MYCBP2: variants seen among roughly 807,000 people sequenced by gnomAD.
MYCBP2 encodes MYC binding protein 2.
MYCBP2 carries 120 observed loss-of-function variants against 525.3 expected under a neutral mutation model. The observed-to-expected ratio is 0.23, with a 90% CI of 0.20 to 0.27. The LOEUF (loss-of-function observed/expected upper bound fraction) is 0.27. Ranked by LOEUF, MYCBP2 falls within the 10% of genes least tolerant of loss-of-function variation. The probability of loss-of-function intolerance (pLI) is 1.00; values close to 1 mark genes in which losing one functional copy is unlikely to be tolerated. For synonymous variants in MYCBP2, 1,894 were observed against 1,955.8 expected (o/e 0.97, Z 0.83); for missense variants, 4,149 against 5,657.1 (o/e 0.73, Z 8.55).
intron 67 of MYCBP2, 84 bp downstream of exon 67, chr13:77,077,064 T>C: frequency 2.6e-6 from 4 of 1,517,860 alleles, no homozygotes; most frequent in South Asian, 1.3e-5. Flanking sequence ...ATTTCTGTAA[T>C]AAGTTTCACA....
chr13:77,220,639 T>C (rs1051730752), intron 20 of MYCBP2, among the ~76,000 whole-genome samples: 1 of 152,210 alleles, frequency 6.6e-6, no homozygotes, highest in Admixed American at 6.5e-5. Context: ...ACTGTAACCC[T>C]TTATTTCAAC....
rs113546442 is a variant in MYCBP2, at chr13:77,091,899, A to C, written c.10367+1266T>G. Among the ~76,000 whole-genome samples, 311 of 152,176 alleles carry C rather than the reference A, an allele frequency of 2.0e-3. 2 individuals carry two copies. Among genetic ancestry groups the C allele is most frequent in the African/African-American group, 5.5e-3 (227 of 41,554 alleles). The stretch of plus-strand genomic sequence containing the variant: ...ACCCAATGAGAATCACACTTGTCAG[A>C]CTAGCCTCAAAACAGTTTCTAACTC... On this transcript the variant is annotated intron_variant, in intron 59 of 82. Coordinates refer to ENST00000544440, the MANE Select transcript of MYCBP2 (RefSeq NM_015057.5).
intron 55 of MYCBP2, chr13:77,110,093 C>A (rs1179277673): frequency 2.6e-5 from 4 of 152,194 alleles, no homozygotes; most frequent in Non-Finnish European, 4.4e-5. Flanking sequence ...CAAGGGAAGA[C>A]AACCATAAGG....
intron 21 of MYCBP2, among the ~76,000 whole-genome samples, chr13:77,212,965 C>T (rs1376417119): frequency 3.3e-5 from 5 of 152,156 alleles, no homozygotes; most frequent in Non-Finnish European, 7.4e-5. Flanking sequence ...ACTGCGAACA[C>T]TCTGGTCACG....
intron 55 of MYCBP2, among the ~76,000 whole-genome samples, chr13:77,110,770 C>T (rs756762307): frequency 9.9e-5 from 15 of 152,054 alleles, no homozygotes; most frequent in African/African-American, 1.7e-4. Flanking sequence ...ATAGAAAGAA[C>T]CTACGTTGAA....
chr13:77,057,834 CT>C lies in MYCBP2; in HGVS notation c.13329+383del, dbSNP rs11419165. ...TATAAAAAAAGATTTCAATCAACTGCTTTTTTTTTTTTTTTTTTTTTTGAGA... is the reference window on the plus strand; with the variant it reads ...TATAAAAAAAGATTTCAATCAACTGCTTTTTTTTTTTTTTTTTTTTTGAGA... On this transcript the variant is annotated intron_variant, in intron 78 of 82. Transcript: ENST00000544440. 9.8e-3 allele frequency among the ~76,000 whole-genome samples: 1,185 copies of C among 121,070 alleles called. 4 individuals carry two copies. The highest frequency in any genetic ancestry group is 0.031 in the East Asian group (129 of 4,204). The allele number at this position is 121,070 out of a possible 152,430, so 79.4% of individuals were successfully genotyped here.
Position 77,088,931 on chromosome 13 carries a change from T to C in MYCBP2, c.10626A>G (p.Pro3542=), listed in dbSNP as rs1419349668. Residue 3542 remains proline (P), a synonymous_variant, in exon 61 of 83, where the codon CCA becomes CCG. Transcript: ENST00000544440. ...GATGTTGTATAACAAAAGCTAAAAC[T>C]GGCCACTGGAAATTTCGTTCTCCTT... ...LSKGERNFQW[P]VLAFVIQHHD... The C allele has an allele frequency of 1.2e-6, 2 of 1,613,504 alleles. No homozygotes were observed. The highest frequency in any genetic ancestry group is 1.7e-5 in the Admixed American group (1 of 59,946).
At chr13:77,289,823 T>C (rs1281135171) in intron 2 of MYCBP2, among the ~76,000 whole-genome samples, 2 of 152,134 alleles carry the variant, frequency 1.3e-5, no homozygotes, top group African/African-American at 4.8e-5. Flanking sequence ...AGAAATAGTA[T>C]GCAGATTTAA....
intron 30 of MYCBP2, among the ~76,000 whole-genome samples, chr13:77,186,958 C>G (rs528839001): frequency 6.6e-6 from 1 of 151,814 alleles, no homozygotes; most frequent in Non-Finnish European, 1.5e-5. Flanking sequence ...ACTACAAGTG[C>G]GCACCACCAT....
rs56408804 is a variant in MYCBP2, at chr13:77,266,746, G to GAAAAAAAAAAAAAAA, written c.1357+1080_1357+1094dup. 1.6e-3 allele frequency among the ~76,000 whole-genome samples: 141 copies of GAAAAAAAAAAAAAAA among 89,402 alleles called. 2 individuals are homozygous for GAAAAAAAAAAAAAAA. Among genetic ancestry groups the GAAAAAAAAAAAAAAA allele is most frequent in the African/African-American group, 5.9e-3 (133 of 22,482 alleles). 58.7% of individuals were successfully genotyped at this position (89,402 alleles called of 152,430 possible). A position where few individuals can be genotyped will look rare whatever the true frequency, so the allele number is the denominator to read the frequency against. On this transcript the variant is annotated intron_variant, in intron 8 of 82. Transcript: ENST00000544440. ...AAAGACATGGTCCAGGACTTGTAAT[G>GAAAAAAAAAAAAAAA]AAAAAAAAAAAAAAAAAAAAAACCC...
At chr13:77,155,639 A>C (rs752541443) in intron 46 of MYCBP2, among the ~76,000 whole-genome samples, 3 of 152,198 alleles carry the variant, frequency 2.0e-5, no homozygotes, top group Non-Finnish European at 4.4e-5. Flanking sequence ...TTTCTAACTT[A>C]ATGAGTGTTA....
At chr13:77,088,351 T>C (rs1273618548) in intron 61 of MYCBP2, among the ~76,000 whole-genome samples, 1 of 152,092 alleles carries the variant, frequency 6.6e-6, no homozygotes. Context: ...ATAATTCCCA[T>C]CCATGAAGTG....
rs374987058 is a variant in MYCBP2, at chr13:77,176,538, C to T, written c.5431G>A (p.Asp1811Asn). The T allele has an allele frequency of 6.3e-7, 1 of 1,598,188 alleles. No individual in the cohort carries two copies. The highest frequency in any genetic ancestry group is 1.3e-5 in the African/African-American group (1 of 74,722). Residue 1811 changes from aspartate to asparagine, a missense_variant, in exon 36 of 83, where the codon GAT becomes AAT. Around this residue, in one of 21 missense-constraint regions of MYCBP2, gnomAD observed 109 missense variants for 118.9 expected, o/e 0.92. Coordinates refer to ENST00000544440, the MANE Select transcript of MYCBP2 (RefSeq NM_015057.5). Reference protein sequence around the residue: ...GTYTTDDSPSDIAEIRLDKVV... With the variant: ...GTYTTDDSPSNIAEIRLDKVV... ...TTGTCAAGTCTGATCTCAGCTATAT[C>T]ACTGGGTGAGTCATCCGTTGTGTAC...
At position 77,236,101 on chromosome 13, in the gene MYCBP2, G is replaced by A. The variant is rs562893066; in HGVS notation, c.2630-2838C>T. Among the ~76,000 whole-genome samples, 3 of 152,274 alleles carry A rather than the reference G, an allele frequency of 2.0e-5. No individual in the cohort carries two copies. The East Asian group carries it at 5.8e-4, about 29-fold the overall frequency. On this transcript the variant is annotated intron_variant, in intron 17 of 82. Coordinates refer to ENST00000544440, the MANE Select transcript of MYCBP2 (RefSeq NM_015057.5). The stretch of plus-strand genomic sequence containing the variant: ...AATGGCTTAGAAGATAAGACTGGAG[G>A]TAAGGCCAGTTAAAAGGCTTTTTGC...
intron 4 of MYCBP2, among the ~76,000 whole-genome samples, chr13:77,278,545 A>G (rs1304149491): frequency 1.3e-5 from 2 of 152,206 alleles, no homozygotes; most frequent in Admixed American, 1.3e-4. Flanking sequence ...CTGCAAATTG[A>G]CAATTTATAA....
intron 55 of MYCBP2, among the ~76,000 whole-genome samples, chr13:77,112,352 TATA>T (rs1032963717): frequency 1.1e-4 from 16 of 146,712 alleles, no homozygotes; most frequent in South Asian, 2.1e-4. Flanking sequence ...ATATTTTATA[TATA>T]ATATTTTATT....
chr13:77,208,449 G>A (rs954154703), intron 23 of MYCBP2, among the ~76,000 whole-genome samples: 4 of 152,034 alleles, frequency 2.6e-5, no homozygotes, highest in South Asian at 2.1e-4. Context: ...AGGTAGTATC[G>A]TAATATTAAA....
At chr13:77,235,476 G>A (rs2067781214) in intron 17 of MYCBP2, among the ~76,000 whole-genome samples, 1 of 152,094 alleles carries the variant, frequency 6.6e-6, no homozygotes, top group African/African-American at 2.4e-5. Flanking sequence ...GAGTATATGT[G>A]ATGGAGCAAA....
chr13:77,062,941 G>A lies in MYCBP2; in HGVS notation c.12673-244C>T, dbSNP rs1235562305. 9.2e-5 allele frequency among the ~76,000 whole-genome samples: 14 copies of A among 152,298 alleles called. No individual in the cohort carries two copies. In the South Asian group the frequency reaches 2.7e-3, roughly 29 times the overall value. On this transcript the variant is annotated intron_variant, in intron 73 of 82. Transcript: ENST00000544440. ...GACTGTTTCTCTGATGAACCACCCT[G>A]TCTTCTATCTGACAAATAAAATTAT...
Sources: allele counts gnomAD v4.1 joint callset (sites outside exome capture counted in the v4.1 genomes callset), GRCh38; gene constraint gnomAD v4.1.1; regional missense constraint gnomAD v4.1.1; transcripts MANE v1.5; gene names NCBI Gene and HGNC (gene_info 2026-07-23, HGNC 2026-07-21).